Variants in NIPAL3 observed in about 807,000 individuals in gnomAD.
NIPAL3 encodes NIPA like domain containing 3.
In NIPAL3, 41 loss-of-function variants were observed where a neutral mutation model predicts 47.2. That is an observed-to-expected ratio of 0.87 (90% CI 0.68 to 1.13). The LOEUF (loss-of-function observed/expected upper bound fraction) is 1.13. NIPAL3 is among the 50% of genes most tolerant of loss of function. NIPAL3 has a pLI of 0.00. For missense variants in NIPAL3, 449 were observed against 530.1 expected (o/e 0.85, Z 1.50); for synonymous variants, 194 against 209.6 (o/e 0.93, Z 0.64).
At chr1:24,432,318 G>C (rs979550012) in intron 2 of NIPAL3, among the ~76,000 whole-genome samples, 1 of 152,004 alleles carries the variant, frequency 6.6e-6, no homozygotes, top group Non-Finnish European at 1.5e-5. Context: ...GTAGAGACAG[G>C]GTTTCTCCAT....
In NIPAL3 at chr1:24,416,817, G is replaced by T. The variant is rs1428188844; in HGVS notation, c.-258+913G>T. 1 of 152,252 alleles carries T rather than the reference G, an allele frequency of 6.6e-6. No individual in the cohort carries two copies. Among genetic ancestry groups the T allele is most frequent in the African/African-American group, 2.4e-5 (1 of 41,460 alleles). The allele number at this position is 152,252 out of a possible 1,614,324, so 9.4% of individuals were successfully genotyped here. A position where few individuals can be genotyped will look rare whatever the true frequency, so the allele number is the denominator to read the frequency against. ...AGCTGAGGGAGAGCCTTCAATCTTT[G>T]CAGGCGATGCTTCAGAGGCCTGCGA... On this transcript the variant is annotated intron_variant, in intron 1 of 11. Coordinates refer to ENST00000374399, the MANE Select transcript of NIPAL3 (RefSeq NM_020448.5). The surrounding 1 kb of genome is among the most constrained non-coding windows in gnomAD (Gnocchi z 4.8).
At chr1:24,418,681 G>C (rs930095067) in intron 1 of NIPAL3, among the ~76,000 whole-genome samples, 1 of 152,014 alleles carries the variant, frequency 6.6e-6, no homozygotes, top group Admixed American at 6.6e-5. Context: ...ATCATTGCTG[G>C]GTTTATTTGA....
chr1:24,464,126 G>T lies in NIPAL3; in HGVS notation c.1021+6G>T. ...TTCCATGGATGCCATGCCAGGTAAG[G>T]TTAAAGCCCCGTGGGTCTAGCTGAA... On this transcript the variant is annotated splice_donor_region_variant and intron_variant, in intron 11 of 11. Coordinates refer to ENST00000374399, the MANE Select transcript of NIPAL3 (RefSeq NM_020448.5). 1 of 1,611,046 alleles carries T rather than the reference G, an allele frequency of 6.2e-7. No homozygotes were observed. The highest frequency in any genetic ancestry group is 1.3e-5 in the African/African-American group (1 of 74,998).
chr1:24,432,436 T>G (rs1186970197), intron 2 of NIPAL3, among the ~76,000 whole-genome samples: 1 of 152,220 alleles, frequency 6.6e-6, no homozygotes, highest in East Asian at 1.9e-4. Context: ...CAGATTGTAA[T>G]ATTTTTAGTG....
chr1:24,433,091 T>C (rs1242987591), intron 2 of NIPAL3: 1 of 152,252 alleles, frequency 6.6e-6, no homozygotes, highest in East Asian at 1.9e-4. Context: ...TTTATCTTGT[T>C]TCATTCTTGC....
At chr1:24,431,150 A>G (rs997390750) in intron 2 of NIPAL3, among the ~76,000 whole-genome samples, 1 of 152,232 alleles carries the variant, frequency 6.6e-6, no homozygotes, top group Admixed American at 6.5e-5. Flanking sequence ...TAACAGGAAT[A>G]TGGATGACAG....
rs1646810028 is a variant in NIPAL3 at position 24,468,933 on chromosome 1, C to T, written c.1022-53C>T. On this transcript the variant is annotated intron_variant, in intron 11 of 11. Transcript: ENST00000374399. ...GTGGCGGGATAGAGGGAGATGCGGC[C>T]TCCTTGGCCCCCTTACCGCGTAATG... 1.9e-5 allele frequency: 29 copies of T among 1,557,694 alleles called. No individual in the cohort carries two copies. The South Asian group carries it at 3.0e-4, about 16-fold the overall frequency.
chr1:24,469,319 T>TCCCAGAGACAAA lies in NIPAL3; in HGVS notation c.*134_*135insCCCAGAGACAAA. On this transcript the variant is annotated 3_prime_UTR_variant, in exon 12 of 12. Transcript: ENST00000374399. ...ATGGATGATGATCTCAAAAAGCCTT[T>TCCCAGAGACAAA]GTCTCTGGGAAAGGATGCGTTATCT... is the stretch of plus-strand genomic sequence containing the variant. 2 of 721,186 alleles carry TCCCAGAGACAAA rather than the reference T, an allele frequency of 2.8e-6. No individual in the cohort carries two copies. Among genetic ancestry groups the TCCCAGAGACAAA allele is most frequent in the Non-Finnish European group, 4.4e-6 (2 of 451,928 alleles). 44.7% of individuals were successfully genotyped at this position (721,186 alleles called of 1,614,324 possible).
Position 24,454,137 on chromosome 1 carries a change from C to T in NIPAL3, c.637+633C>T. ...GACCTCCTGGCCTCAAGTGATCCCC[C>T]TGCCTCGGCCTCCCAAAGTGCCAGG... On this transcript the variant is annotated intron_variant, in intron 7 of 11. Transcript: ENST00000374399. This position sits in a 1 kb window ranked among gnomAD's most constrained non-coding sequence, Gnocchi z 4.1. The T allele has an allele frequency of 8.1e-7, 1 of 1,241,018 alleles. No individual in the cohort carries two copies. The highest frequency in any genetic ancestry group is 1.0e-6 in the Non-Finnish European group (1 of 963,832). 76.9% of individuals were successfully genotyped at this position (1,241,018 alleles called of 1,614,324 possible).
chr1:24,449,720 C>T lies in NIPAL3; in HGVS notation c.540+94C>T, dbSNP rs915873494. The T allele has an allele frequency of 7.1e-5, 95 of 1,331,934 alleles. No homozygotes were observed. The highest frequency in any genetic ancestry group is 5.7e-4 in the East Asian group (23 of 40,110). 82.5% of individuals were successfully genotyped at this position (1,331,934 alleles called of 1,614,324 possible). A position where few individuals can be genotyped will look rare whatever the true frequency, so the allele number is the denominator to read the frequency against. On this transcript the variant is annotated intron_variant, in intron 6 of 11. Transcript: ENST00000374399. The surrounding 1 kb of genome is among the most constrained non-coding windows in gnomAD (Gnocchi z 4.5). ...GTGAATACCCAGCAATAGGGGATTC[C>T]GTGAGTTGCGGCACATTTTACCAGC...
intron 4 of NIPAL3, among the ~76,000 whole-genome samples, chr1:24,443,463 A>G (rs1386481786): frequency 3.3e-5 from 5 of 152,182 alleles, no homozygotes; most frequent in African/African-American, 9.7e-5. Context: ...TGGCAGATGC[A>G]TGGTAACTAT....
intron 3 of NIPAL3, 142 bp downstream of exon 3, chr1:24,440,382 C>A: frequency 1.9e-6 from 1 of 518,828 alleles, no homozygotes; most frequent in Non-Finnish European, 3.1e-6. Flanking sequence ...ACCTTGTGGG[C>A]CGTTCCAGGA....
At chr1:24,415,284 C>CA (rs1250356882), upstream of NIPAL3, 1 of 152,208 alleles carries the variant, frequency 6.6e-6, no homozygotes, top group Non-Finnish European at 1.5e-5. Flanking sequence ...ACAGGTGTTC[C>CA]AGGAGGGCAG....
At chr1:24,427,154 C>T (rs535348483) in intron 2 of NIPAL3, among the ~76,000 whole-genome samples, 1 of 152,334 alleles carries the variant, frequency 6.6e-6, no homozygotes, top group South Asian at 2.1e-4. Flanking sequence ...TACCCATTCC[C>T]TCCCTGCAGC....
intron 5 of NIPAL3, among the ~76,000 whole-genome samples, chr1:24,445,664 G>A (rs1045056909): frequency 3.9e-5 from 6 of 152,176 alleles, no homozygotes; most frequent in Non-Finnish European, 2.9e-5. Context: ...CTGCTTAGGT[G>A]AGCAGCCAAG....
chr1:24,433,368 A>C (rs911103123), intron 2 of NIPAL3, among the ~76,000 whole-genome samples: 1 of 152,132 alleles, frequency 6.6e-6, no homozygotes, highest in South Asian at 2.1e-4. Context: ...TCAGGCCACA[A>C]ATGGGTTGAG....
chr1:24,442,332 G>T, intron 4 of NIPAL3, 106 bp downstream of exon 4: 1 of 1,252,592 alleles, frequency 8.0e-7, no homozygotes, highest in East Asian at 2.3e-5. Context: ...GCTTTAGCTT[G>T]GATAATAATA....
In NIPAL3 at chr1:24,464,090, G is replaced by T; in HGVS notation, c.991G>T (p.Glu331Ter). The T allele has an allele frequency of 6.2e-7, 1 of 1,613,508 alleles. No individual in the cohort carries two copies. The highest frequency in any genetic ancestry group is 8.5e-7 in the Non-Finnish European group (1 of 1,179,598). ...TRNRKKPIPF[E>*]PYISMDAMPG... Reference sequence around the variant, plus strand: ...TAACAGGAAGAAGCCCATTCCATTTGAGCCCTATATTTCCATGGATGCCAT... The same window carrying T: ...TAACAGGAAGAAGCCCATTCCATTTTAGCCCTATATTTCCATGGATGCCAT... The change falls in exon 11 of 12, where the codon GAG (glutamate) becomes TAG (stop). Residue 331 changes from glutamate (E) to a stop codon, truncating the protein, a stop_gained. Coordinates refer to ENST00000374399, the MANE Select transcript of NIPAL3 (RefSeq NM_020448.5). LOFTEE classifies it high-confidence loss of function.
In NIPAL3 at chr1:24,454,994, T is replaced by C. The variant is rs1401800008; in HGVS notation, c.638-1144T>C. ...GAAGGCCAGAAGGTTCTGAGGCCATTGGCCAATCCCCTTCTGACTAAGAAG... is the reference window on the plus strand; with the variant it reads ...GAAGGCCAGAAGGTTCTGAGGCCATCGGCCAATCCCCTTCTGACTAAGAAG... On this transcript the variant is annotated intron_variant, in intron 7 of 11. Transcript: ENST00000374399. This position sits in a 1 kb window ranked among gnomAD's most constrained non-coding sequence, Gnocchi z 4.1. Among the ~76,000 whole-genome samples, 2 of 152,252 alleles carry C rather than the reference T, an allele frequency of 1.3e-5. No homozygotes were observed. The highest frequency in any genetic ancestry group is 1.9e-4 in the East Asian group (1 of 5,196).
Sources: allele counts gnomAD v4.1 joint callset (sites outside exome capture counted in the v4.1 genomes callset), GRCh38; gene constraint gnomAD v4.1.1; non-coding constraint Gnocchi (gnomAD v3.1); transcripts MANE v1.5; gene names NCBI Gene and HGNC (gene_info 2026-07-23, HGNC 2026-07-21).